MAP6: variants seen among roughly 807,000 people sequenced by gnomAD.
MAP6 encodes the protein microtubule-associated protein 6.
In MAP6, 26 loss-of-function variants were observed where a neutral mutation model predicts 42.4. The observed-to-expected ratio is 0.61, with a 90% CI of 0.45 to 0.85. The LOEUF (loss-of-function observed/expected upper bound fraction) is 0.85, where lower values mean the gene tolerates loss of function less well. Among genes scored for constraint, MAP6 ranks in the 40% least tolerant of loss-of-function variants. The pLI, the probability that MAP6 is intolerant of heterozygous loss-of-function variation, is 0.00. For missense variants in MAP6, 966 were observed against 1,099.0 expected (o/e 0.88, Z 1.71); for synonymous variants, 418 against 443.8 (o/e 0.94, Z 0.73).
At chr11:75,666,694 G>C (rs1943953866) in intron 1 of MAP6, among the ~76,000 whole-genome samples, 1 of 152,192 alleles carries the variant, frequency 6.6e-6, no homozygotes, top group Non-Finnish European at 1.5e-5. Flanking sequence ...CTGGCATATA[G>C]TAGGCACTCA....
Position 75,667,580 on chromosome 11 carries a change from C to A in MAP6, c.790G>T (p.Ala264Ser). 1 of 1,410,658 alleles carries A rather than the reference C, an allele frequency of 7.1e-7. No homozygotes were observed. The allele number at this position is 1,410,658 out of a possible 1,614,324, so 87.4% of individuals were successfully genotyped here. Residue 264 changes from alanine (A) to serine (S), a missense_variant, in exon 1 of 4, where the codon GCC becomes TCC. Transcript: ENST00000304771. This position sits in a 1 kb window ranked among gnomAD's most constrained non-coding sequence, Gnocchi z 5.6. Reference sequence around the variant, plus strand: ...CCGGTGGCCTGGACCTGGGCCTGGGCCGCGGGCAGCGGCGTCTGCTCGTGC... The same window carrying A: ...CCGGTGGCCTGGACCTGGGCCTGGGACGCGGGCAGCGGCGTCTGCTCGTGC... ...LGHEQTPLPAAQAQVQATGPE... is the reference protein window; with the variant it reads ...LGHEQTPLPASQAQVQATGPE...
chr11:75,608,290 G>T lies in MAP6; in HGVS notation c.938C>A (p.Pro313His). 1 of 1,614,210 alleles carries T rather than the reference G, an allele frequency of 6.2e-7. No individual in the cohort carries two copies. Among genetic ancestry groups the T allele is most frequent in the Non-Finnish European group, 8.5e-7 (1 of 1,180,044 alleles). The change falls in exon 2 of 4, where the codon CCT becomes CAT. Residue 313 changes from proline (P) to histidine (H), a missense_variant. Physicochemically the swap from Pro to His is moderately conservative, Grantham distance 77 (BLOSUM62 -2). This residue lies in a region of MAP6 where 943 missense variants were observed against 1,049.9 expected (regional missense o/e 0.90). Coordinates refer to ENST00000304771, the MANE Select transcript of MAP6 (RefSeq NM_033063.2). ...NEFRAWTDIKPVKPIKAKPQY... is the reference protein window; with the variant it reads ...NEFRAWTDIKHVKPIKAKPQY... ...GGGCTTGGCCTTTATTGGTTTCACAGGCTTGATGTCCGTCCATGCCCTGAA... is the reference window on the plus strand; with the variant it reads ...GGGCTTGGCCTTTATTGGTTTCACATGCTTGATGTCCGTCCATGCCCTGAA...
At chr11:75,653,323 C>T (rs772169640) in intron 1 of MAP6, among the ~76,000 whole-genome samples, 6 of 152,172 alleles carry the variant, frequency 3.9e-5, no homozygotes, top group Non-Finnish European at 8.8e-5. Flanking sequence ...ACCAAATCCT[C>T]GGGAGGAGTC....
At chr11:75,602,932 A>T in intron 3 of MAP6, 1 of 985,814 alleles carries the variant, frequency 1.0e-6, no homozygotes, top group Non-Finnish European at 1.2e-6. Flanking sequence ...GCAAGCACAG[A>T]CCACAAGCAC....
At chr11:75,646,533 A>C (rs917661268) in intron 1 of MAP6, among the ~76,000 whole-genome samples, 6 of 148,682 alleles carry the variant, frequency 4.0e-5, no homozygotes, top group African/African-American at 1.2e-4. Context: ...AGGCAAGAGC[A>C]GTAGCTAATG....
chr11:75,588,247 C>T (rs1942402715), intron 3 of MAP6, 63 bp from the exon 4 acceptor site: 8 of 1,473,246 alleles, frequency 5.4e-6, no homozygotes, highest in Admixed American at 2.1e-5. Flanking sequence ...GGGCAGAGTA[C>T]AGATTGCCTA....
At chr11:75,629,382 C>T (rs972196273) in intron 1 of MAP6, among the ~76,000 whole-genome samples, 25 of 152,110 alleles carry the variant, frequency 1.6e-4, no homozygotes, top group Non-Finnish European at 2.8e-4. Context: ...GCCACCACCC[C>T]CTGCCAAGCC....
chr11:75,641,635 T>G (rs1943473563), intron 1 of MAP6, among the ~76,000 whole-genome samples: 1 of 152,224 alleles, frequency 6.6e-6, no homozygotes, highest in Non-Finnish European at 1.5e-5. Context: ...GGCTCAGGGA[T>G]TCTCAGACTT....
intron 3 of MAP6, among the ~76,000 whole-genome samples, chr11:75,589,365 A>G (rs1431808079): frequency 6.6e-6 from 1 of 152,210 alleles, no homozygotes; most frequent in African/African-American, 2.4e-5. Flanking sequence ...TTTAGAGTGC[A>G]CACTCCTTCC....
At chr11:75,659,398 C>T (rs910896723) in intron 1 of MAP6, among the ~76,000 whole-genome samples, 11 of 152,146 alleles carry the variant, frequency 7.2e-5, no homozygotes, top group African/African-American at 2.7e-4. Flanking sequence ...AGGAGAATCG[C>T]GTGAACCCGG....
At chr11:75,642,064 C>T (rs1943479382) in intron 1 of MAP6, among the ~76,000 whole-genome samples, 1 of 152,210 alleles carries the variant, frequency 6.6e-6, no homozygotes, top group African/African-American at 2.4e-5. Flanking sequence ...AACAAAAGCT[C>T]AAAACTCATC....
intron 3 of MAP6, among the ~76,000 whole-genome samples, chr11:75,595,286 C>T (rs1942558508): frequency 6.6e-6 from 1 of 152,222 alleles, no homozygotes. Flanking sequence ...CACTCCAGGG[C>T]CACCCTTTTA....
rs117880742 is a variant in MAP6 at position 75,635,062 on chromosome 11, G to C, written c.906-26740C>G. ...TGATCTCTGTGAAAGTCGGTGAACC[G>C]AAAGTTTAAGGCTCATAAAATGGGA... On this transcript the variant is annotated intron_variant, in intron 1 of 3. Transcript: ENST00000304771. Among the ~76,000 whole-genome samples, 7 of 152,170 alleles carry C rather than the reference G, an allele frequency of 4.6e-5. No homozygotes were observed. The East Asian group carries it at 1.3e-3, about 29-fold the overall frequency.
At chr11:75,640,198 C>A (rs1943440537) in intron 1 of MAP6, among the ~76,000 whole-genome samples, 1 of 148,546 alleles carries the variant, frequency 6.7e-6, no homozygotes, top group African/African-American at 2.5e-5. Flanking sequence ...CACCCCCCCA[C>A]ACACACACTC....
intron 3 of MAP6, chr11:75,603,021 C>T (rs193175261): frequency 2.6e-4 from 254 of 985,654 alleles, no homozygotes; most frequent in East Asian, 7.9e-4. Context: ...GAGAGGTGTG[C>T]GCTACATGTT....
At chr11:75,628,425 C>T (rs1334385182) in intron 1 of MAP6, among the ~76,000 whole-genome samples, 1 of 152,160 alleles carries the variant, frequency 6.6e-6, no homozygotes, top group East Asian at 1.9e-4. Context: ...TGCTGGGGGA[C>T]ATCAGTCACC....
At chr11:75,652,812 C>G (rs1198666529) in intron 1 of MAP6, among the ~76,000 whole-genome samples, 2 of 149,526 alleles carry the variant, frequency 1.3e-5, no homozygotes, top group Non-Finnish European at 3.0e-5. Flanking sequence ...GCACTCTAGC[C>G]TGGGCGATTG....
chr11:75,599,258 A>G (rs1218556416), intron 3 of MAP6, among the ~76,000 whole-genome samples: 1 of 152,194 alleles, frequency 6.6e-6, no homozygotes, highest in Non-Finnish European at 1.5e-5. Flanking sequence ...GTTAACAAGT[A>G]ATTGAGGCCC....
intron 1 of MAP6, among the ~76,000 whole-genome samples, chr11:75,615,759 G>T (rs1489920855): frequency 6.6e-6 from 1 of 152,166 alleles, no homozygotes; most frequent in Non-Finnish European, 1.5e-5. Flanking sequence ...CTGATTAATT[G>T]AATCTCCAAT....
Sources: gnomAD v4.1 joint callset for allele counts (sites outside exome capture counted in the v4.1 genomes callset) on GRCh38, gnomAD v4.1.1 for gene constraint, gnomAD v4.1.1 regional missense constraint, Gnocchi (gnomAD v3.1) non-coding constraint, MANE v1.5 for transcripts, NCBI Gene and HGNC (gene_info 2026-07-23, HGNC 2026-07-21) for gene names.